RPF2: variants seen among roughly 807,000 people sequenced by gnomAD.
The protein encoded by RPF2 is ribosome production factor 2 homolog.
Under a neutral mutation model 38.9 loss-of-function variants are expected in RPF2, and 21 were observed. The observed-to-expected ratio is 0.54, with a 90% CI of 0.38 to 0.78. RPF2 has a LOEUF of 0.78. RPF2 is among the 30% of genes least tolerant of loss of function. The pLI is 0.00. For synonymous variants in RPF2, 121 were observed against 126.2 expected, an observed-to-expected ratio of 0.96 and a Z score of 0.28; for missense variants, 314 against 358.1, an observed-to-expected ratio of 0.88 and a Z score of 0.99.
chr6:111,015,970 A>C (rs140234040), intron 8 of RPF2, 114 bp downstream of exon 8: 96 of 753,460 alleles, frequency 1.3e-4, no homozygotes, highest in East Asian at 1.2e-3. Flanking sequence ...GGTTTCTTGG[A>C]GAGTTGGCAG....
At chr6:110,989,625 TG>T (rs1771584103) in intron 3 of RPF2, among the ~76,000 whole-genome samples, 1 of 145,834 alleles carries the variant, frequency 6.9e-6, no homozygotes, top group Non-Finnish European at 1.5e-5. Context: ...AATTTTTGTG[TG>T]GTTTTTTTTT....
At chr6:111,019,626 AC>A (rs1171853868) in intron 8 of RPF2, among the ~76,000 whole-genome samples, 1 of 151,842 alleles carries the variant, frequency 6.6e-6, no homozygotes, top group African/African-American at 2.4e-5. Context: ...AATCCTAGCT[AC>A]TCGGGAGGCT....
intron 8 of RPF2, among the ~76,000 whole-genome samples, chr6:111,017,358 C>A (rs1180504294): frequency 6.6e-6 from 1 of 150,724 alleles, no homozygotes; most frequent in Non-Finnish European, 1.5e-5. Context: ...GGGGGCTGCC[C>A]CCCGCCTCCC....
Position 111,026,505 on chromosome 6 carries a change from AAAG to A in RPF2, c.*927_*929del, listed in dbSNP as rs1342620250. ...ATGTTGGTCCACTGCACCTGGCAGAAAAGAAGTTTTGATAGGGGCAGAAATGAA... is the reference window on the plus strand; with the variant it reads ...ATGTTGGTCCACTGCACCTGGCAGAAAAGTTTTGATAGGGGCAGAAATGAA... On this transcript the variant is annotated 3_prime_UTR_variant, in exon 10 of 10. Transcript: ENST00000441448. The A allele has an allele frequency of 6.6e-6, 1 of 152,306 alleles. No homozygotes were observed. The highest frequency in any genetic ancestry group is 1.5e-5 in the Non-Finnish European group (1 of 68,130). 9.4% of individuals were successfully genotyped at this position (152,306 alleles called of 1,614,324 possible).
rs1772353526 is a variant in RPF2, at chr6:111,027,491, C to A, written c.*1909C>A. ...ATGGACGCATAGTCCTTCCCCAAAG[C>A]CTCGCTCATCACTGGTAGGAGGCAA... On this transcript the variant is annotated 3_prime_UTR_variant, in exon 10 of 10. Transcript: ENST00000441448. 1 of 152,154 alleles carries A rather than the reference C, an allele frequency of 6.6e-6. No homozygotes were observed. The highest frequency in any genetic ancestry group is 2.4e-5 in the African/African-American group (1 of 41,444). The allele number at this position is 152,154 out of a possible 1,614,324, so 9.4% of individuals were successfully genotyped here.
At position 110,989,216 on chromosome 6, in the gene RPF2, G is replaced by A. The variant is rs114456609; in HGVS notation, c.194+151G>A. On this transcript the variant is annotated intron_variant, in intron 3 of 9. Transcript: ENST00000441448. ...TATTTTAATTTCTTTCTTTTGGTCT[G>A]TTTTTTTCATTTGTATTGAATGTCC... is the stretch of plus-strand genomic sequence containing the variant. 787 of 839,794 alleles carry A rather than the reference G, an allele frequency of 9.4e-4. 2 individuals carry two copies. In the African/African-American group the frequency reaches 0.013, roughly 14 times the overall value. The allele number at this position is 839,794 out of a possible 1,614,324, so 52.0% of individuals were successfully genotyped here.
intron 7 of RPF2, among the ~76,000 whole-genome samples, chr6:111,015,020 C>T (rs1028893902): frequency 2.0e-5 from 3 of 151,878 alleles, no homozygotes; most frequent in East Asian, 1.9e-4. Flanking sequence ...TTAAGCAATT[C>T]GCCCGCCTCA....
intron 6 of RPF2, among the ~76,000 whole-genome samples, chr6:111,002,781 T>G (rs897585870): frequency 6.6e-6 from 1 of 152,116 alleles, no homozygotes; most frequent in African/African-American, 2.4e-5. Flanking sequence ...GTCTTTTTTT[T>G]TTTTGAGAGG....
intron 8 of RPF2, among the ~76,000 whole-genome samples, chr6:111,016,255 G>C (rs1394399982): frequency 5.3e-5 from 8 of 152,216 alleles, no homozygotes; most frequent in African/African-American, 1.7e-4. Context: ...ATTTCACTCT[G>C]TCTCTCTAGC....
chr6:111,005,710 G>A (rs1478553719), intron 6 of RPF2, among the ~76,000 whole-genome samples: 1 of 151,856 alleles, frequency 6.6e-6, no homozygotes, highest in Non-Finnish European at 1.5e-5. Flanking sequence ...GCTCATGGCA[G>A]CCTGGACTTC....
At position 110,982,146 on chromosome 6, in the gene RPF2, T is replaced by C; in HGVS notation, c.23+17T>C. 6.2e-7 allele frequency: 1 copy of C among 1,614,132 alleles called. No individual in the cohort carries two copies. The highest frequency in any genetic ancestry group is 8.5e-7 in the Non-Finnish European group (1 of 1,179,962). On this transcript the variant is annotated intron_variant, in intron 1 of 9. Coordinates refer to ENST00000441448, the MANE Select transcript of RPF2 (RefSeq NM_032194.3). ...TCGAGTAGTGTAAGTGCGCTGGGTCTCAGCCCCGGGGAGCGTTGGGGTGAA... is the reference window on the plus strand; with the variant it reads ...TCGAGTAGTGTAAGTGCGCTGGGTCCCAGCCCCGGGGAGCGTTGGGGTGAA...
intron 3 of RPF2, among the ~76,000 whole-genome samples, chr6:110,991,316 G>A (rs1009353821): frequency 2.7e-5 from 4 of 149,544 alleles, no homozygotes; most frequent in African/African-American, 9.8e-5. Context: ...TTTTAGAGAC[G>A]GGGTCTCACT....
intron 8 of RPF2, among the ~76,000 whole-genome samples, chr6:111,021,274 C>T (rs1046470023): frequency 4.6e-5 from 7 of 152,158 alleles, no homozygotes; most frequent in Non-Finnish European, 7.3e-5. Context: ...AGCACGACAT[C>T]TTTCATAATG....
intron 8 of RPF2, among the ~76,000 whole-genome samples, chr6:111,023,857 G>A (rs775860870): frequency 3.3e-5 from 5 of 151,814 alleles, no homozygotes; most frequent in African/African-American, 1.2e-4. Context: ...GTGTGGTGGC[G>A]GGTGCCTGTA....
At position 110,982,102 on chromosome 6, in the gene RPF2, T is replaced by C. The variant is rs1267551619; in HGVS notation, c.-5T>C. ...CCTGGTTAAGAGTTGCAGGTAGCGGTAGCGATGGACACTCTGGATCGAGTA... is the reference window on the plus strand; with the variant it reads ...CCTGGTTAAGAGTTGCAGGTAGCGGCAGCGATGGACACTCTGGATCGAGTA... On this transcript the variant is annotated 5_prime_UTR_variant, in exon 1 of 10. Coordinates refer to ENST00000441448, the MANE Select transcript of RPF2 (RefSeq NM_032194.3). 1 of 1,614,190 alleles carries C rather than the reference T, an allele frequency of 6.2e-7. No homozygotes were observed. The highest frequency in any genetic ancestry group is 1.1e-5 in the South Asian group (1 of 91,082).
At position 111,003,351 on chromosome 6, in the gene RPF2, C is replaced by T. The variant is rs79878147; in HGVS notation, c.393+3564C>T. On this transcript the variant is annotated intron_variant, in intron 6 of 9. Transcript: ENST00000441448. The stretch of plus-strand genomic sequence containing the variant: ...CGTCACCCAGGCTGGAGTGCAGTGG[C>T]GTGATTTCGTCTCACTGCAACATGC... 6.9e-3 allele frequency among the ~76,000 whole-genome samples: 1,056 copies of T among 152,034 alleles called. 5 individuals carry two copies. The highest frequency in any genetic ancestry group is 0.014 in the Middle Eastern group (4 of 292).
chr6:110,995,391 T>C (rs1562367980), intron 4 of RPF2, among the ~76,000 whole-genome samples: 1 of 152,154 alleles, frequency 6.6e-6, no homozygotes, highest in Non-Finnish European at 1.5e-5. Flanking sequence ...GCCTGAATTC[T>C]TGGACTTTCT....
At chr6:110,992,798 C>A (rs557639804) in intron 4 of RPF2, among the ~76,000 whole-genome samples, 1 of 152,148 alleles carries the variant, frequency 6.6e-6, no homozygotes, top group East Asian at 1.9e-4. Flanking sequence ...CATCAGGGGC[C>A]AGACACAGTA....
intron 7 of RPF2, among the ~76,000 whole-genome samples, chr6:111,012,581 AG>A (rs1772038862): frequency 6.6e-6 from 1 of 152,202 alleles, no homozygotes; most frequent in Non-Finnish European, 1.5e-5. Context: ...AGGCCTGGAC[AG>A]GTGAGTAGCT....
Sources: gnomAD v4.1 joint callset for allele counts (sites outside exome capture counted in the v4.1 genomes callset) on GRCh38, gnomAD v4.1.1 for gene constraint, MANE v1.5 for transcripts, NCBI Gene and HGNC (gene_info 2026-07-23, HGNC 2026-07-21) for gene names.